Variants in PCDHGA4 observed in about 807,000 individuals in gnomAD.
PCDHGA4 encodes protocadherin gamma subfamily A, 4.
In PCDHGA4, 38 loss-of-function variants were observed where a neutral mutation model predicts 54.6. The observed-to-expected ratio is 0.70, with a 90% CI of 0.54 to 0.91. The LOEUF (loss-of-function observed/expected upper bound fraction) is 0.91, where lower values mean the gene tolerates loss of function less well. Ranked by LOEUF, PCDHGA4 falls within the 40% of genes least tolerant of loss-of-function variation. PCDHGA4 has a pLI of 0.00. For missense variants in PCDHGA4, 1,298 were observed against 1,220.9 expected (o/e 1.06, Z -0.94); for synonymous variants, 511 against 512.9 (o/e 1.00, Z 0.05).
chr5:141,448,720 C>T (rs545687728), intron 1 of PCDHGA4, among the ~76,000 whole-genome samples: 24 of 152,030 alleles, frequency 1.6e-4, no homozygotes, highest in African/African-American at 5.8e-4. Flanking sequence ...GCGGGAGGAT[C>T]ACGAGGTCAG....
intron 1 of PCDHGA4, chr5:141,382,794 C>T (rs764593779): frequency 9.0e-5 from 88 of 974,042 alleles, no homozygotes; most frequent in Admixed American, 2.4e-5. Context: ...CTCTATCCTG[C>T]TGGATTCTGA....
intron 1 of PCDHGA4, chr5:141,426,987 G>C (rs867397302): frequency 1.3e-5 from 6 of 456,602 alleles, no homozygotes; most frequent in African/African-American, 1.2e-4. Context: ...TGATGCCAAC[G>C]ATAATGCCCC....
At chr5:141,424,682 C>A (rs1421088073) in intron 1 of PCDHGA4, 1 of 152,062 alleles carries the variant, frequency 6.6e-6, no homozygotes, top group Non-Finnish European at 1.5e-5. Flanking sequence ...AGCTAGTATC[C>A]TTCTGGCTAT....
chr5:141,507,578 C>T (rs1268451710), intron 3 of PCDHGA4, among the ~76,000 whole-genome samples: 1 of 152,220 alleles, frequency 6.6e-6, no homozygotes, highest in East Asian at 1.9e-4. Context: ...GAGGAGATGC[C>T]AAGTTGGCCT....
At chr5:141,382,782 G>A (rs1294010280) in intron 1 of PCDHGA4, 22 of 844,882 alleles carry the variant, frequency 2.6e-5, no homozygotes, top group African/African-American at 1.2e-4. Flanking sequence ...CTAAACTCAA[G>A]CCTCTATCCT....
At chr5:141,434,489 C>T (rs921000136) in intron 1 of PCDHGA4, among the ~76,000 whole-genome samples, 4 of 152,158 alleles carry the variant, frequency 2.6e-5, no homozygotes, top group Non-Finnish European at 4.4e-5. Flanking sequence ...ACACCTGGCC[C>T]GCCCAGGGCA....
In PCDHGA4 at chr5:141,430,862, G is replaced by A. The variant is rs1365140768; in HGVS notation, c.2515-63945G>A. ...CGGATGCACCCAGATACGCTATTCA[G>A]TTCCGGAAGAGCTGGAGAAAGGCTC... is the stretch of plus-strand genomic sequence containing the variant. On this transcript the variant is annotated intron_variant, in intron 1 of 3. Transcript: ENST00000571252. 3 of 1,594,672 alleles carry A rather than the reference G, an allele frequency of 1.9e-6. No individual in the cohort carries two copies. The African/African-American group carries it at 4.0e-5, about 21-fold the overall frequency.
At chr5:141,412,890 T>G (rs2095584785) in intron 1 of PCDHGA4, 1 of 330,212 alleles carries the variant, frequency 3.0e-6, no homozygotes, top group Non-Finnish European at 5.4e-6. Context: ...AACAGAATAG[T>G]TTACTTTCCA....
chr5:141,430,914 T>G (rs750607631), intron 1 of PCDHGA4: 1 of 1,607,676 alleles, frequency 6.2e-7, no homozygotes, highest in Non-Finnish European at 8.5e-7. Context: ...TCCAGGGACC[T>G]GGGGCTGGAG....
At chr5:141,376,407 A>G (rs1352753803) in intron 1 of PCDHGA4, 2 of 1,614,198 alleles carry the variant, frequency 1.2e-6, no homozygotes, top group Non-Finnish European at 1.7e-6. Flanking sequence ...CAGCCCAACT[A>G]TGCCGACACG....
At chr5:141,365,867 G>A in intron 1 of PCDHGA4, 2 of 1,614,096 alleles carry the variant, frequency 1.2e-6, no homozygotes, top group Non-Finnish European at 1.7e-6. Flanking sequence ...TGACACCGGT[G>A]TCCTGTATGC....
intron 1 of PCDHGA4, chr5:141,385,207 T>G: frequency 6.2e-7 from 1 of 1,614,226 alleles, no homozygotes; most frequent in Non-Finnish European, 8.5e-7. Flanking sequence ...TCACCTGATC[T>G]TCCCCCAGCC....
Position 141,357,147 on chromosome 5 carries a change from TG to T in PCDHGA4, c.2042del (p.Gly681AlafsTer63). On this transcript the variant is annotated frameshift_variant, in exon 1 of 4. Coordinates refer to ENST00000571252, the MANE Select transcript of PCDHGA4 (RefSeq NM_018917.4). LOFTEE classifies it high-confidence loss of function. ...QRLVVVVQDH[G>X]QPPLSATVTL... ...GGCTTGTAGTGGTCGTCCAGGACCATGGCCAGCCCCCTCTCTCGGCCACCGT... is the reference window on the plus strand; with the variant it reads ...GGCTTGTAGTGGTCGTCCAGGACCATGCCAGCCCCCTCTCTCGGCCACCGT... 1 of 1,613,554 alleles carries T rather than the reference TG, an allele frequency of 6.2e-7. No homozygotes were observed. The highest frequency in any genetic ancestry group is 8.5e-7 in the Non-Finnish European group (1 of 1,179,856).
intron 1 of PCDHGA4, chr5:141,371,977 T>C (rs1768257593): frequency 1.2e-6 from 2 of 1,613,238 alleles, no homozygotes; most frequent in Non-Finnish European, 1.7e-6. Context: ...CTGCGTGCCT[T>C]CGAGCTCACT....
At chr5:141,404,192 A>G in intron 1 of PCDHGA4, 1 of 1,613,574 alleles carries the variant, frequency 6.2e-7, no homozygotes. Flanking sequence ...TGACCGAGAA[A>G]AAGCCTCAGA....
intron 1 of PCDHGA4, chr5:141,413,577 T>C (rs752007520): frequency 2.5e-6 from 4 of 1,613,836 alleles, no homozygotes; most frequent in Non-Finnish European, 3.4e-6. Context: ...ATGACAATGC[T>C]CCAAAATTCC....
At chr5:141,408,558 T>A (rs748858215) in intron 1 of PCDHGA4, 48 of 1,613,898 alleles carry the variant, frequency 3.0e-5, no homozygotes, top group Non-Finnish European at 5.9e-6. Context: ...ATTTTTCATG[T>A]CATTGTGGTG....
intron 1 of PCDHGA4, chr5:141,389,125 C>T: frequency 6.2e-7 from 1 of 1,614,004 alleles, no homozygotes; most frequent in African/African-American, 1.3e-5. Flanking sequence ...GAGCAGAATC[C>T]AGAGTACAAT....
chr5:141,491,071 C>T lies in PCDHGA4; in HGVS notation c.2515-3736C>T, dbSNP rs987564933. 1 of 1,614,152 alleles carries T rather than the reference C, an allele frequency of 6.2e-7. No individual in the cohort carries two copies. Among genetic ancestry groups the T allele is most frequent in the Non-Finnish European group, 8.5e-7 (1 of 1,180,028 alleles). ...TGCGTGGCTCTCCTACTCACTGTTGCCACAGTCCACAGCCCCAGGACTGTT... is the reference window on the plus strand; with the variant it reads ...TGCGTGGCTCTCCTACTCACTGTTGTCACAGTCCACAGCCCCAGGACTGTT... On this transcript the variant is annotated intron_variant, in intron 1 of 3. Transcript: ENST00000571252. This position sits in a 1 kb window ranked among gnomAD's most constrained non-coding sequence, Gnocchi z 6.9.
Sources: allele counts gnomAD v4.1 joint callset (sites outside exome capture counted in the v4.1 genomes callset), GRCh38; gene constraint gnomAD v4.1.1; non-coding constraint Gnocchi (gnomAD v3.1); transcripts MANE v1.5; gene names NCBI Gene and HGNC (gene_info 2026-07-23, HGNC 2026-07-21).